Variants in PMFBP1 observed in about 807,000 individuals in gnomAD.
PMFBP1 encodes polyamine modulated factor 1 binding protein 1, also known as polyamine-modulated factor 1-binding protein 1.
Under a neutral mutation model 137.8 loss-of-function variants are expected in PMFBP1, and 131 were observed. That is an observed-to-expected ratio of 0.95 (90% CI 0.82 to 1.10). The LOEUF is 1.10. PMFBP1 is among the 50% of genes least tolerant of loss of function. The pLI is 0.00. For synonymous variants in PMFBP1, 490 were observed against 450.4 expected, an observed-to-expected ratio of 1.09 and a Z score of -1.11; for missense variants, 1,199 against 1,175.4, an observed-to-expected ratio of 1.02 and a Z score of -0.29.
At chr16:72,176,802 C>G (rs186200346), upstream of PMFBP1, 4 of 152,388 alleles carry the variant, frequency 2.6e-5, no homozygotes, top group Non-Finnish European at 5.9e-5. Flanking sequence ...TCTCAGAGAT[C>G]TCTCTCTACA....
chr16:72,177,620 T>C (rs2043263358), upstream of PMFBP1, among the ~76,000 whole-genome samples: 1 of 152,226 alleles, frequency 6.6e-6, no homozygotes, highest in Non-Finnish European at 1.5e-5. Flanking sequence ...TCTTACATGA[T>C]GATACGATGA....
the PMFBP1 span, among the ~76,000 whole-genome samples, chr16:72,238,239 A>C: frequency 3.3e-5 from 5 of 152,202 alleles, no homozygotes; most frequent in African/African-American, 1.2e-4. Context: ...TGCTTTCCAC[A>C]ATGGTTGAAC....
At chr16:72,125,667 TG>T (rs2144251810) in intron 15 of PMFBP1, among the ~76,000 whole-genome samples, 1 of 152,300 alleles carries the variant, frequency 6.6e-6, no homozygotes, top group Non-Finnish European at 1.5e-5. Flanking sequence ...CAGCACAGGA[TG>T]GGGCATGAAT....
chr16:72,146,612 T>A (rs2042811132), intron 5 of PMFBP1, among the ~76,000 whole-genome samples: 1 of 152,222 alleles, frequency 6.6e-6, no homozygotes, highest in Non-Finnish European at 1.5e-5. Flanking sequence ...CATGATGGTA[T>A]ATTTAGAAAA....
intron 3 of PMFBP1, among the ~76,000 whole-genome samples, chr16:72,155,153 C>T (rs2042963125): frequency 6.6e-6 from 1 of 152,162 alleles, no homozygotes; most frequent in Non-Finnish European, 1.5e-5. Flanking sequence ...ACAGGCTAAG[C>T]ACCTATGTTT....
intron 5 of PMFBP1, among the ~76,000 whole-genome samples, chr16:72,146,176 A>ATTTT (rs2042803480): frequency 1.3e-5 from 2 of 152,218 alleles, no homozygotes; most frequent in African/African-American, 4.8e-5. Flanking sequence ...CTTATCTACC[A>ATTTT]TGATCAAGTC....
At chr16:72,174,929 G>T (rs1596985251), upstream of PMFBP1, among the ~76,000 whole-genome samples, 1 of 152,052 alleles carries the variant, frequency 6.6e-6, no homozygotes, top group Admixed American at 6.6e-5. Flanking sequence ...CATCCTAAGG[G>T]CTTTGGGTCA....
the PMFBP1 span, among the ~76,000 whole-genome samples, chr16:72,226,238 G>C: frequency 6.6e-6 from 1 of 152,128 alleles, no homozygotes; most frequent in Non-Finnish European, 1.5e-5. Flanking sequence ...ATTCTGGGCT[G>C]TGGTTATCTT....
chr16:72,234,568 C>T, the PMFBP1 span, among the ~76,000 whole-genome samples: 1 of 152,174 alleles, frequency 6.6e-6, no homozygotes, highest in Non-Finnish European at 1.5e-5. Flanking sequence ...ACCCCACCCT[C>T]TTACGAATAA....
At chr16:72,157,076 C>G (rs7192415) in intron 3 of PMFBP1, among the ~76,000 whole-genome samples, 5,508 of 149,684 alleles carry the variant, frequency 0.037, 298 homozygotes, top group African/African-American at 0.13. Flanking sequence ...GTAGTCCCAG[C>G]TACTCAGGAG....
At chr16:72,164,478 G>A (rs1369429879) in intron 3 of PMFBP1, 11 of 1,414,184 alleles carry the variant, frequency 7.8e-6, no homozygotes, top group Non-Finnish European at 1.0e-5. Context: ...ATATTTTCAG[G>A]GCAATGAGCT....
chr16:72,196,928 C>T, the PMFBP1 span, among the ~76,000 whole-genome samples: 2 of 152,202 alleles, frequency 1.3e-5, no homozygotes, highest in East Asian at 1.9e-4. Flanking sequence ...GTGTGACTTA[C>T]ATTTGCTTGA....
chr16:72,243,575 G>C, the PMFBP1 span, among the ~76,000 whole-genome samples: 4 of 152,276 alleles, frequency 2.6e-5, no homozygotes, highest in Admixed American at 2.0e-4. Flanking sequence ...GTCAGGTACA[G>C]AAAATGTACC....
At chr16:72,165,141 A>G (rs1253185142) in intron 2 of PMFBP1, among the ~76,000 whole-genome samples, 1 of 152,184 alleles carries the variant, frequency 6.6e-6, no homozygotes, top group East Asian at 1.9e-4. Flanking sequence ...TTAAATCTTC[A>G]CCACACTGCT....
the PMFBP1 span, among the ~76,000 whole-genome samples, chr16:72,242,906 G>C: frequency 6.6e-6 from 1 of 152,192 alleles, no homozygotes; most frequent in Non-Finnish European, 1.5e-5. Flanking sequence ...GGAAAAGAAG[G>C]GAGGAGAGCG....
intron 5 of PMFBP1, among the ~76,000 whole-genome samples, chr16:72,147,730 CAAAAG>C: frequency 6.6e-6 from 1 of 152,040 alleles, no homozygotes; most frequent in East Asian, 1.9e-4. Context: ...AGACACTTCT[CAAAAG>C]AAGACATTTA....
upstream of PMFBP1, among the ~76,000 whole-genome samples, chr16:72,175,993 A>G (rs2043258205): frequency 6.6e-6 from 1 of 152,174 alleles, no homozygotes; most frequent in South Asian, 2.1e-4. Context: ...TTTGAATCCA[A>G]ACCCGGTTCT....
chr16:72,160,818 G>C lies in PMFBP1; in HGVS notation c.165+3946C>G, dbSNP rs187452907. On this transcript the variant is annotated intron_variant, in intron 3 of 20. Coordinates refer to ENST00000237353, the MANE Select transcript of PMFBP1 (RefSeq NM_031293.3). Reference sequence around the variant, plus strand: ...CATATTTGACCTTTTGATACAGCATGATCTATTAAATTTGTGATATGTATT... The same window carrying C: ...CATATTTGACCTTTTGATACAGCATCATCTATTAAATTTGTGATATGTATT... Among the ~76,000 whole-genome samples the C allele has an allele frequency of 2.0e-5, 3 of 152,258 alleles. No individual in the cohort carries two copies. The East Asian group carries it at 5.8e-4, about 29-fold the overall frequency.
chr16:72,187,280 T>C, the PMFBP1 span, among the ~76,000 whole-genome samples: 7 of 152,076 alleles, frequency 4.6e-5, no homozygotes, highest in African/African-American at 1.4e-4. Flanking sequence ...CTTAGATGAG[T>C]CTGCAGATTA....
Sources: gnomAD v4.1 joint callset for allele counts (sites outside exome capture counted in the v4.1 genomes callset) on GRCh38, gnomAD v4.1.1 for gene constraint, MANE v1.5 for transcripts, NCBI Gene and HGNC (gene_info 2026-07-23, HGNC 2026-07-21) for gene names.